Variants in GPHN observed in about 807,000 individuals in gnomAD.
The protein encoded by GPHN is gephyrin.
Under a neutral mutation model 95.5 loss-of-function variants are expected in GPHN, and 17 were observed. The ratio of observed to expected loss-of-function variants is 0.18; its 90% CI spans 0.12 to 0.27. GPHN has a LOEUF of 0.27. Among genes scored for constraint, GPHN ranks in the 10% least tolerant of loss-of-function variants. The pLI, the probability that GPHN is intolerant of heterozygous loss-of-function variation, is 1.00. For missense variants in GPHN, 660 were observed against 978.1 expected (o/e 0.67, Z 4.34); for synonymous variants, 320 against 322.5 (o/e 0.99, Z 0.08).
intron 1 of GPHN, among the ~76,000 whole-genome samples, chr14:66,664,207 A>G (rs561996601): frequency 2.6e-5 from 4 of 152,188 alleles, no homozygotes; most frequent in Admixed American, 1.3e-4. Context: ...CACTTACTCT[A>G]AAAAAGATCA....
intron 1 of GPHN, among the ~76,000 whole-genome samples, chr14:66,525,852 T>C (rs973554453): frequency 2.6e-5 from 4 of 152,196 alleles, no homozygotes; most frequent in Non-Finnish European, 4.4e-5. Flanking sequence ...TATATATCTG[T>C]TTTGGTACCT....
chr14:66,980,692 G>A (rs2070599365), intron 9 of GPHN, among the ~76,000 whole-genome samples: 1 of 152,056 alleles, frequency 6.6e-6, no homozygotes, highest in Admixed American at 6.6e-5. Flanking sequence ...TTATAAATGT[G>A]TAATAAAATA....
chr14:67,716,843 C>A, the GPHN span, among the ~76,000 whole-genome samples: 5 of 150,434 alleles, frequency 3.3e-5, no homozygotes, highest in Admixed American at 1.3e-4. Context: ...GCTATCACAC[C>A]ACTGCACTCC....
At chr14:67,540,648 C>A in the GPHN span, among the ~76,000 whole-genome samples, 1 of 151,718 alleles carries the variant, frequency 6.6e-6, no homozygotes, top group Non-Finnish European at 1.5e-5. Context: ...AAAATTATCA[C>A]CCTAAAAAAT....
At chr14:66,703,997 A>C (rs1413112142) in intron 2 of GPHN, among the ~76,000 whole-genome samples, 1 of 152,032 alleles carries the variant, frequency 6.6e-6, no homozygotes, top group Non-Finnish European at 1.5e-5. Flanking sequence ...AAAAGAAAAA[A>C]AAAAGGGCAG....
intron 8 of GPHN, among the ~76,000 whole-genome samples, chr14:66,930,806 T>C (rs1450101638): frequency 6.6e-6 from 1 of 152,180 alleles, no homozygotes; most frequent in Non-Finnish European, 1.5e-5. Context: ...ATCACAGGCA[T>C]GAGCTACCAT....
the GPHN span, chr14:67,577,970 C>T: frequency 3.0e-5 from 46 of 1,554,720 alleles, no homozygotes; most frequent in East Asian, 7.9e-4. Flanking sequence ...CCGTTGAGTT[C>T]TCTGAACCCA....
chr14:66,650,769 A>G (rs2065003628), intron 1 of GPHN, among the ~76,000 whole-genome samples: 1 of 152,188 alleles, frequency 6.6e-6, no homozygotes, highest in Non-Finnish European at 1.5e-5. Flanking sequence ...GAATGATTAC[A>G]TATCAGGAAA....
At chr14:66,818,528 G>A (rs753236771) in intron 3 of GPHN, among the ~76,000 whole-genome samples, 5 of 152,126 alleles carry the variant, frequency 3.3e-5, no homozygotes, top group Non-Finnish European at 7.4e-5. Context: ...TTGTTCCCAT[G>A]TCTTTGCTAT....
chr14:67,172,010 C>T (rs571075273), intron 21 of GPHN, among the ~76,000 whole-genome samples: 1 of 152,170 alleles, frequency 6.6e-6, no homozygotes, highest in Admixed American at 6.5e-5. Flanking sequence ...ATGCTCCCCC[C>T]AGTAAAGGAG....
the GPHN span, among the ~76,000 whole-genome samples, chr14:67,341,778 T>C: frequency 1.3e-5 from 2 of 152,188 alleles, no homozygotes; most frequent in Non-Finnish European, 2.9e-5. Context: ...AGAAATCGGA[T>C]GGTTGCTGTG....
At chr14:67,078,824 C>A (rs939429404) in intron 11 of GPHN, among the ~76,000 whole-genome samples, 1 of 152,070 alleles carries the variant, frequency 6.6e-6, no homozygotes, top group African/African-American at 2.4e-5. Flanking sequence ...ACTGGGAGCC[C>A]TTACCATTTT....
chr14:67,079,879 T>C (rs1172610695), intron 11 of GPHN, among the ~76,000 whole-genome samples: 1 of 152,136 alleles, frequency 6.6e-6, no homozygotes, highest in Non-Finnish European at 1.5e-5. Flanking sequence ...TTGACTATTG[T>C]GAATATAGTT....
intron 17 of GPHN, among the ~76,000 whole-genome samples, chr14:67,136,507 C>T (rs1415295754): frequency 2.0e-5 from 3 of 152,162 alleles, no homozygotes; most frequent in Non-Finnish European, 2.9e-5. Context: ...AAATTTATAG[C>T]TTTGCCCTTG....
intron 3 of GPHN, among the ~76,000 whole-genome samples, chr14:66,798,933 T>C (rs1176143723): frequency 6.6e-6 from 1 of 151,964 alleles, no homozygotes; most frequent in African/African-American, 2.4e-5. Flanking sequence ...TTCCTCCTTT[T>C]TTAATGTAGG....
At position 66,859,297 on chromosome 14, in the gene GPHN, G is replaced by A. The variant is rs578045742; in HGVS notation, c.295-20642G>A. Among the ~76,000 whole-genome samples, 316 of 152,248 alleles carry A rather than the reference G, an allele frequency of 2.1e-3. 3 individuals are homozygous for A. Among genetic ancestry groups the A allele is most frequent in the African/African-American group, 7.2e-3 (299 of 41,544 alleles). On this transcript the variant is annotated intron_variant, in intron 4 of 22. Coordinates refer to ENST00000478722, the MANE Select transcript of GPHN (RefSeq NM_020806.5). Reference sequence around the variant, plus strand: ...GTATCAACCCACCATCCCCAGCTCCGGAAGCACAGCACAGAGAGAGACTCC... The same window carrying A: ...GTATCAACCCACCATCCCCAGCTCCAGAAGCACAGCACAGAGAGAGACTCC...
chr14:67,506,753 A>G, the GPHN span, among the ~76,000 whole-genome samples: 1 of 152,212 alleles, frequency 6.6e-6, no homozygotes, highest in African/African-American at 2.4e-5. Context: ...TGGGAGGCCA[A>G]GGCAGGCAGA....
At chr14:67,273,547 A>C in the GPHN span, among the ~76,000 whole-genome samples, 46 of 152,186 alleles carry the variant, frequency 3.0e-4, no homozygotes, top group African/African-American at 9.4e-4. Flanking sequence ...GTTGGTTCCA[A>C]GTCTTTGCTA....
intron 12 of GPHN, among the ~76,000 whole-genome samples, chr14:67,097,914 G>A (rs1018391804): frequency 2.0e-5 from 3 of 151,962 alleles, no homozygotes; most frequent in Middle Eastern, 3.4e-3. Flanking sequence ...ATACATACAC[G>A]TATATAAACA....
Sources: gnomAD v4.1 joint callset for allele counts (sites outside exome capture counted in the v4.1 genomes callset) on GRCh38, gnomAD v4.1.1 for gene constraint, MANE v1.5 for transcripts, NCBI Gene and HGNC (gene_info 2026-07-23, HGNC 2026-07-21) for gene names.